The following LDLRAP1 variants were observed in gnomAD, a reference collection of about 807,000 sequenced individuals.
LDLRAP1 encodes the protein low density lipoprotein receptor adapter protein 1.
A neutral mutation model predicts 37.8 loss-of-function variants in LDLRAP1; 30 were observed. The observed-to-expected ratio is 0.79, with a 90% CI of 0.59 to 1.08. The LOEUF (loss-of-function observed/expected upper bound fraction) is 1.08, where lower values mean the gene tolerates loss of function less well. Ranked by LOEUF, LDLRAP1 falls within the 50% of genes least tolerant of loss-of-function variation. LDLRAP1 has a pLI of 0.00. For synonymous variants in LDLRAP1, 156 were observed against 169.8 expected (o/e 0.92, Z 0.63); for missense variants, 375 against 401.6 (o/e 0.93, Z 0.57).
intron 1 of LDLRAP1, among the ~76,000 whole-genome samples, chr1:25,553,017 G>A (rs909012619): frequency 2.6e-5 from 4 of 152,118 alleles, no homozygotes; most frequent in Admixed American, 6.6e-5. Flanking sequence ...CTCCGATTTG[G>A]GAAATCGCCT....
rs1048024868 is a variant in LDLRAP1 at position 25,554,735 on chromosome 1, C to T, written c.232-125C>T. 6 of 749,624 alleles carry T rather than the reference C, an allele frequency of 8.0e-6. No homozygotes were observed. In the African/African-American group the frequency reaches 8.6e-5, roughly 11 times the overall value. 46.4% of individuals were successfully genotyped at this position (749,624 alleles called of 1,614,324 possible). A position where few individuals can be genotyped will look rare whatever the true frequency, so the allele number is the denominator to read the frequency against. ...TGCTGGCTGAGTGGTCTTGCCCACA[C>T]TGCTGCCAGTCACCTGAGCTGAGAT... On this transcript the variant is annotated intron_variant, in intron 2 of 8. Transcript: ENST00000374338. The surrounding 1 kb of genome is among the most constrained non-coding windows in gnomAD (Gnocchi z 5.4).
Position 25,543,786 on chromosome 1 carries a change from A to T in LDLRAP1, c.88A>T (p.Lys30Ter). The T allele has an allele frequency of 1.7e-6, 2 of 1,205,740 alleles. No homozygotes were observed. Among genetic ancestry groups the T allele is most frequent in the Non-Finnish European group, 2.1e-6 (2 of 970,756 alleles). 74.7% of individuals were successfully genotyped at this position (1,205,740 alleles called of 1,614,324 possible). ...CTGGGGGGGCGGTGGCCGGCACCGC[A>T]GTGAGTGTGCGCGCGTCAGCCGGGC... Reference protein sequence around the residue: ...QSWGGGGRHRKLPENWTDTRE... With the variant: ...QSWGGGGRHR The change falls in exon 1 of 9, where the codon AAG (lysine) becomes TAG (stop). Residue 30 changes from lysine to a stop codon, truncating the protein, a stop_gained and splice_region_variant. Coordinates refer to ENST00000374338, the MANE Select transcript of LDLRAP1 (RefSeq NM_015627.3). LOFTEE classifies it high-confidence loss of function.
chr1:25,561,835 A>C (rs1324359930), intron 4 of LDLRAP1, among the ~76,000 whole-genome samples: 1 of 152,058 alleles, frequency 6.6e-6, no homozygotes, highest in East Asian at 1.9e-4. Context: ...TCTTGCTTTT[A>C]GGGTGCACAA....
rs1378657299 is a variant in LDLRAP1, at chr1:25,543,670, G to C, written c.-29G>C. ...TTTTTCCTGACGGAGTTTTGGCTGCGGCAGCGGCGGCGGCGGCCGGAGCGG... is the reference window on the plus strand; with the variant it reads ...TTTTTCCTGACGGAGTTTTGGCTGCCGCAGCGGCGGCGGCGGCCGGAGCGG... On this transcript the variant is annotated 5_prime_UTR_variant, in exon 1 of 9. Transcript: ENST00000374338. The C allele has an allele frequency of 1.6e-5, 19 of 1,208,646 alleles. No individual in the cohort carries two copies. The highest frequency in any genetic ancestry group is 1.9e-5 in the Non-Finnish European group (18 of 972,400). 74.9% of individuals were successfully genotyped at this position (1,208,646 alleles called of 1,614,324 possible). A position where few individuals can be genotyped will look rare whatever the true frequency, so the allele number is the denominator to read the frequency against.
At chr1:25,569,805 C>G (rs1357508967), downstream of LDLRAP1, among the ~76,000 whole-genome samples, 1 of 152,222 alleles carries the variant, frequency 6.6e-6, no homozygotes, top group Non-Finnish European at 1.5e-5. Context: ...GCTGAGGACA[C>G]TGGGCTGGGA....
At chr1:25,576,786 A>G in the LDLRAP1 span, among the ~76,000 whole-genome samples, 1 of 152,356 alleles carries the variant, frequency 6.6e-6, no homozygotes, top group Non-Finnish European at 1.5e-5. Flanking sequence ...CCTGCCCTTC[A>G]GTGGAAACTG....
chr1:25,547,562 CCCGCTGTGGGAACTG>C (rs2043966839), intron 1 of LDLRAP1, among the ~76,000 whole-genome samples: 2 of 152,086 alleles, frequency 1.3e-5, no homozygotes, highest in Non-Finnish European at 1.5e-5. Flanking sequence ...GGAGCTTAAC[CCCGCTGTGGGAACTG>C]TGGGAGGCAG....
At chr1:25,578,559 G>C in the LDLRAP1 span, among the ~76,000 whole-genome samples, 2 of 152,068 alleles carry the variant, frequency 1.3e-5, no homozygotes, top group Non-Finnish European at 2.9e-5. Context: ...GCCCAGGCTG[G>C]AGTGCAGTGC....
At chr1:25,547,689 G>C (rs1013581283) in intron 1 of LDLRAP1, among the ~76,000 whole-genome samples, 1 of 152,022 alleles carries the variant, frequency 6.6e-6, no homozygotes, top group Non-Finnish European at 1.5e-5. Flanking sequence ...CCCAGTCTGC[G>C]CCAGCCTCAG....
In LDLRAP1 at chr1:25,562,674, G is replaced by A. The variant is rs927994472; in HGVS notation, c.490G>A (p.Ala164Thr). 8 of 1,614,196 alleles carry A rather than the reference G, an allele frequency of 5.0e-6. No individual in the cohort carries two copies. The highest frequency in any genetic ancestry group is 6.8e-6 in the Non-Finnish European group (8 of 1,180,036). The change falls in exon 5 of 9, where the codon GCC becomes ACC. Residue 164 changes from alanine to threonine, a missense_variant. Ala to Thr is a moderately conservative substitution (Grantham distance 58). Transcript: ENST00000374338. ...AQAVTLTVAQ[A>T]FKVAFEFWQV... ...GGCTGTTACCCTCACCGTAGCCCAGGCCTTCAAAGTCGCCTTTGAGTTTTG... is the reference window on the plus strand; with the variant it reads ...GGCTGTTACCCTCACCGTAGCCCAGACCTTCAAAGTCGCCTTTGAGTTTTG...
At chr1:25,564,838 T>C in intron 7 of LDLRAP1, 1 of 347,198 alleles carries the variant, frequency 2.9e-6, no homozygotes, top group Non-Finnish European at 5.5e-6. Flanking sequence ...AATGCCCTCC[T>C]CTTATTGAAG....
chr1:25,578,718 T>C, the LDLRAP1 span, among the ~76,000 whole-genome samples: 5 of 152,154 alleles, frequency 3.3e-5, no homozygotes, highest in African/African-American at 1.2e-4. Context: ...GGTTTCACCA[T>C]GTTGCCCAGG....
chr1:25,562,458 T>G (rs975465527), intron 4 of LDLRAP1, among the ~76,000 whole-genome samples, 186 bp from the exon 5 acceptor site: 4 of 152,360 alleles, frequency 2.6e-5, no homozygotes, highest in Admixed American at 6.5e-5. Flanking sequence ...CCCAGGCTGC[T>G]TTGGAGACCT....
chr1:25,584,803 G>C, the LDLRAP1 span, among the ~76,000 whole-genome samples: 8 of 152,156 alleles, frequency 5.3e-5, no homozygotes, highest in Non-Finnish European at 1.0e-4. Flanking sequence ...CAGGATTTGG[G>C]GTGTTCTGCA....
the LDLRAP1 span, among the ~76,000 whole-genome samples, chr1:25,584,135 G>A: frequency 6.6e-6 from 1 of 152,024 alleles, no homozygotes; most frequent in African/African-American, 2.4e-5. Flanking sequence ...CTGAACGCTG[G>A]CTCTGTGGGA....
chr1:25,581,840 G>C, the LDLRAP1 span: 2 of 152,482 alleles, frequency 1.3e-5, no homozygotes, highest in Non-Finnish European at 2.9e-5. Context: ...CCAGGCAGGA[G>C]GGGGCAGCCC....
chr1:25,586,546 A>G, the LDLRAP1 span, among the ~76,000 whole-genome samples: 19 of 149,994 alleles, frequency 1.3e-4, no homozygotes, highest in African/African-American at 3.7e-4. This position sits in a 1 kb window ranked among gnomAD's most constrained non-coding sequence, Gnocchi z 4.3. Context: ...GTATGTGTGC[A>G]TGTGTGTGTG....
intron 1 of LDLRAP1, among the ~76,000 whole-genome samples, chr1:25,548,044 A>C (rs948714298): frequency 3.3e-5 from 5 of 152,212 alleles, no homozygotes; most frequent in African/African-American, 1.2e-4. Context: ...TGACCCCAGC[A>C]AGGGGCTTGG....
intron 7 of LDLRAP1, chr1:25,564,132 G>A (rs967548548): frequency 3.0e-5 from 11 of 368,150 alleles, no homozygotes; most frequent in East Asian, 1.3e-4. Context: ...CCCCTCAGCC[G>A]CCTGAATGAG....
Sources: allele counts gnomAD v4.1 joint callset (sites outside exome capture counted in the v4.1 genomes callset), GRCh38; gene constraint gnomAD v4.1.1; non-coding constraint Gnocchi (gnomAD v3.1); transcripts MANE v1.5; gene names NCBI Gene and HGNC (gene_info 2026-07-23, HGNC 2026-07-21).